The following BCL11B variants were observed in gnomAD, a reference collection of about 807,000 sequenced individuals.
The protein encoded by BCL11B is B-cell lymphoma/leukemia 11B.
A neutral mutation model predicts 49.9 loss-of-function variants in BCL11B; 8 were observed. The observed-to-expected ratio is 0.16, with a 90% CI of 0.09 to 0.29. The LOEUF is 0.29. BCL11B is among the 10% of genes least tolerant of loss of function. The pLI, the probability that BCL11B is intolerant of heterozygous loss-of-function variation, is 1.00. For missense variants in BCL11B, 1,006 were observed against 1,351.0 expected, an observed-to-expected ratio of 0.74 and a Z score of 4.00; for synonymous variants, 739 against 637.4, an observed-to-expected ratio of 1.16 and a Z score of -2.40.
chr14:99,189,929 C>T (rs1260473168), intron 3 of BCL11B, among the ~76,000 whole-genome samples: 1 of 152,152 alleles, frequency 6.6e-6, no homozygotes, highest in African/African-American at 2.4e-5. Context: ...TCTGTGAATT[C>T]CAAGTGGCAG....
Position 99,174,930 on chromosome 14 carries a change from C to T in BCL11B, c.1906G>A (p.Asp636Asn), listed in dbSNP as rs1886433528. 2 of 1,319,064 alleles carry T rather than the reference C, an allele frequency of 1.5e-6. No homozygotes were observed. Among genetic ancestry groups the T allele is most frequent in the South Asian group, 1.6e-5 (1 of 63,890 alleles). 81.7% of individuals were successfully genotyped at this position (1,319,064 alleles called of 1,614,324 possible). The change falls in exon 4 of 4, where the codon GAC becomes AAC. Residue 636 changes from aspartate (D) to asparagine (N), a missense_variant. Transcript: ENST00000357195. ...RAAGGGDAGDDDDAGGCGDAG... is the reference protein window; with the variant it reads ...RAAGGGDAGDNDDAGGCGDAG... ...TCCCCGCAGCCGCCCGCGTCGTCGTCGTCGCCCGCGTCCCCGCCGCCCGCC... is the reference window on the plus strand; with the variant it reads ...TCCCCGCAGCCGCCCGCGTCGTCGTTGTCGCCCGCGTCCCCGCCGCCCGCC...
At chr14:99,254,042 G>A (rs1029096610) in intron 2 of BCL11B, among the ~76,000 whole-genome samples, 5 of 152,198 alleles carry the variant, frequency 3.3e-5, no homozygotes, top group African/African-American at 4.8e-5. Context: ...GAATGCACAC[G>A]TCAAGAGCAG....
intron 3 of BCL11B, among the ~76,000 whole-genome samples, chr14:99,186,489 C>T (rs927958272): frequency 6.6e-6 from 1 of 152,180 alleles, no homozygotes; most frequent in Non-Finnish European, 1.5e-5. Flanking sequence ...CACTGCACTC[C>T]AGCCTGGGTG....
At chr14:99,187,881 A>ATC (rs1331502442) in intron 3 of BCL11B, among the ~76,000 whole-genome samples, 3 of 152,192 alleles carry the variant, frequency 2.0e-5, no homozygotes, top group East Asian at 3.9e-4. Flanking sequence ...TCCACAAAAA[A>ATC]TCTCGACATT....
At chr14:99,249,295 A>C (rs998997305) in intron 2 of BCL11B, among the ~76,000 whole-genome samples, 23 of 152,022 alleles carry the variant, frequency 1.5e-4, no homozygotes, top group Non-Finnish European at 2.8e-4. Context: ...TTTTTATTTT[A>C]ATTTTAATTT....
chr14:99,270,052 G>C (rs1889616444), intron 1 of BCL11B, among the ~76,000 whole-genome samples: 1 of 152,026 alleles, frequency 6.6e-6, no homozygotes, highest in African/African-American at 2.4e-5. Context: ...ACTCGGGGCG[G>C]GTTCCCCTGC....
rs766353606 is a variant in BCL11B at position 99,174,856 on chromosome 14, T to C, written c.1980A>G (p.Pro660=). 2.0e-5 allele frequency: 25 copies of C among 1,229,226 alleles called. No homozygotes were observed. The African/African-American group carries it at 2.2e-4, about 11-fold the overall frequency. The allele number at this position is 1,229,226 out of a possible 1,614,324, so 76.1% of individuals were successfully genotyped here. A position where few individuals can be genotyped will look rare whatever the true frequency, so the allele number is the denominator to read the frequency against. Residue 660 remains proline, a synonymous_variant, in exon 4 of 4, where the codon CCA becomes CCG. Transcript: ENST00000357195. ...AVNGRGGGFA[P]GTEPFPGLFP... Reference sequence around the variant, plus strand: ...AGAGCCCGGGGAAGGGCTCGGTGCCTGGCGCGAAGCCGCCCCCGCGCCCGT... The same window carrying C: ...AGAGCCCGGGGAAGGGCTCGGTGCCCGGCGCGAAGCCGCCCCCGCGCCCGT...
At chr14:99,265,093 G>A (rs567709893) in intron 1 of BCL11B, among the ~76,000 whole-genome samples, 2 of 152,174 alleles carry the variant, frequency 1.3e-5, no homozygotes, top group East Asian at 3.9e-4. Flanking sequence ...AGGCCAAATG[G>A]CCTGAGTCAA....
intron 3 of BCL11B, among the ~76,000 whole-genome samples, chr14:99,176,596 G>A (rs990521441): frequency 6.6e-6 from 1 of 152,190 alleles, no homozygotes; most frequent in Admixed American, 6.5e-5. Flanking sequence ...CCCAGCCCTC[G>A]AGGATGCTCC....
Position 99,188,437 on chromosome 14 carries a change from C to T in BCL11B, c.641-12242G>A, listed in dbSNP as rs74811406. On this transcript the variant is annotated intron_variant, in intron 3 of 3. Coordinates refer to ENST00000357195, the MANE Select transcript of BCL11B (RefSeq NM_138576.4). ...CAGTAACTAACCAAGCTTGGGTTTG[C>T]CCGGGTGGATAGGCTCTTTTCCTTC... Among the ~76,000 whole-genome samples, 742 of 152,284 alleles carry T rather than the reference C, an allele frequency of 4.9e-3. 6 individuals carry two copies. The highest frequency in any genetic ancestry group is 0.017 in the African/African-American group (705 of 41,556).
intron 3 of BCL11B, 50 bp from the exon 4 acceptor site, chr14:99,176,245 C>T (rs1886525202): frequency 3.2e-6 from 5 of 1,552,880 alleles, no homozygotes; most frequent in South Asian, 2.3e-5. Flanking sequence ...GAAGCGGCAG[C>T]GGGGCGCGGG....
rs1389727885 is a variant in BCL11B at position 99,171,335 on chromosome 14, A to G, written c.*2816T>C. On this transcript the variant is annotated 3_prime_UTR_variant, in exon 4 of 4. Coordinates refer to ENST00000357195, the MANE Select transcript of BCL11B (RefSeq NM_138576.4). ...AACCCTTTTTCTCCTGTACAATAGGACTTAACATACAAATGTGTTTTTTTT... is the reference window on the plus strand; with the variant it reads ...AACCCTTTTTCTCCTGTACAATAGGGCTTAACATACAAATGTGTTTTTTTT... 5 of 224,264 alleles carry G rather than the reference A, an allele frequency of 2.2e-5. No homozygotes were observed. The highest frequency in any genetic ancestry group is 1.3e-4 in the East Asian group (2 of 15,332). The allele number at this position is 224,264 out of a possible 1,614,324, so 13.9% of individuals were successfully genotyped here.
intron 3 of BCL11B, among the ~76,000 whole-genome samples, chr14:99,217,615 C>G (rs565147292): frequency 6.6e-6 from 1 of 152,326 alleles, no homozygotes; most frequent in African/African-American, 2.4e-5. Flanking sequence ...ACCCCCACCC[C>G]CTGGCCTCTG....
chr14:99,241,607 A>G lies in BCL11B; in HGVS notation c.428-10050T>C, dbSNP rs1466908458. On this transcript the variant is annotated intron_variant, in intron 2 of 3. Coordinates refer to ENST00000357195, the MANE Select transcript of BCL11B (RefSeq NM_138576.4). This position sits in a 1 kb window ranked among gnomAD's most constrained non-coding sequence, Gnocchi z 4.4. ...TCCTGCCCTTGGAGCGGCCAAGTGC[A>G]AACAAAAATGAGACCTTTCTTCTCT... Among the ~76,000 whole-genome samples the G allele has an allele frequency of 2.0e-5, 3 of 152,174 alleles. No individual in the cohort carries two copies. The highest frequency in any genetic ancestry group is 7.2e-5 in the African/African-American group (3 of 41,444).
rs971238946 is a variant in BCL11B at position 99,262,727 on chromosome 14, T to C, written c.59-4888A>G. ...CTTTTCATCTCCTCTCCGTGAACACTTGGGGAGGGGCTGGGACTCCAGGCG... is the reference window on the plus strand; with the variant it reads ...CTTTTCATCTCCTCTCCGTGAACACCTGGGGAGGGGCTGGGACTCCAGGCG... On this transcript the variant is annotated intron_variant, in intron 1 of 3. Transcript: ENST00000357195. This position sits in a 1 kb window ranked among gnomAD's most constrained non-coding sequence, Gnocchi z 4.2. 5.3e-5 allele frequency among the ~76,000 whole-genome samples: 8 copies of C among 152,058 alleles called. No homozygotes were observed. Among genetic ancestry groups the C allele is most frequent in the African/African-American group, 1.9e-4 (8 of 41,400 alleles).
intron 3 of BCL11B, among the ~76,000 whole-genome samples, chr14:99,230,918 G>A (rs1206207808): frequency 1.3e-5 from 2 of 152,290 alleles, no homozygotes; most frequent in South Asian, 2.1e-4. Flanking sequence ...CATTTTGGAC[G>A]GCTCCAGCAA....
intron 3 of BCL11B, among the ~76,000 whole-genome samples, chr14:99,203,825 C>A (rs1887455356): frequency 6.6e-6 from 1 of 152,166 alleles, no homozygotes; most frequent in Admixed American, 6.5e-5. Flanking sequence ...GGATAGAGGG[C>A]TGGGGGCCGG....
Position 99,271,246 on chromosome 14 carries a change from CG to C in BCL11B, c.-29del. 2 of 1,487,178 alleles carry C rather than the reference CG, an allele frequency of 1.3e-6. No homozygotes were observed. The highest frequency in any genetic ancestry group is 2.8e-5 in the East Asian group (1 of 35,924). 92.1% of individuals were successfully genotyped at this position (1,487,178 alleles called of 1,614,324 possible). On this transcript the variant is annotated 5_prime_UTR_variant, in exon 1 of 4. Coordinates refer to ENST00000357195, the MANE Select transcript of BCL11B (RefSeq NM_138576.4). The stretch of plus-strand genomic sequence containing the variant: ...CCCCGGCATCTATTCTGGCATCGCC[CG>C]GAGAGCTGCACTGATGGGGGGAGCC...
chr14:99,256,062 C>G (rs1165663512), intron 2 of BCL11B, among the ~76,000 whole-genome samples: 2 of 152,224 alleles, frequency 1.3e-5, no homozygotes. Flanking sequence ...CAAAGTGAGG[C>G]TCAGCATCAC....
Sources: allele counts gnomAD v4.1 joint callset (sites outside exome capture counted in the v4.1 genomes callset), GRCh38; gene constraint gnomAD v4.1.1; non-coding constraint Gnocchi (gnomAD v3.1); transcripts MANE v1.5; gene names NCBI Gene and HGNC (gene_info 2026-07-23, HGNC 2026-07-21).